GRIN2B: variants seen among roughly 807,000 people sequenced by gnomAD.
The protein encoded by GRIN2B is glutamate ionotropic receptor NMDA type subunit 2B.
Under a neutral mutation model 114.5 loss-of-function variants are expected in GRIN2B, and 5 were observed. The ratio of observed to expected loss-of-function variants is 0.04; its 90% CI spans 0.02 to 0.09. GRIN2B has a LOEUF of 0.09. GRIN2B is among the 10% of genes least tolerant of loss of function. The pLI is 1.00. For missense variants in GRIN2B, 1,108 were observed against 1,943.5 expected (o/e 0.57, Z 8.08); for synonymous variants, 787 against 745.1 (o/e 1.06, Z -0.92).
At chr12:13,853,020 C>T (rs1241892741) in intron 3 of GRIN2B, among the ~76,000 whole-genome samples, 2 of 152,178 alleles carry the variant, frequency 1.3e-5, no homozygotes, top group East Asian at 1.9e-4. Context: ...GGCCTTCACA[C>T]CTGCTGTTCT....
chr12:13,827,612 G>A (rs1865068206), intron 3 of GRIN2B, among the ~76,000 whole-genome samples: 1 of 147,848 alleles, frequency 6.8e-6, no homozygotes, highest in Non-Finnish European at 1.5e-5. Context: ...TTTAAAAGAT[G>A]TCTTTCATTT....
intron 2 of GRIN2B, among the ~76,000 whole-genome samples, chr12:13,940,774 C>T (rs1867231467): frequency 6.6e-6 from 1 of 152,144 alleles, no homozygotes; most frequent in African/African-American, 2.4e-5. Context: ...CCTAGAACCA[C>T]TTTGCTAAAT....
intron 3 of GRIN2B, among the ~76,000 whole-genome samples, chr12:13,862,935 TTTC>T (rs1361127425): frequency 6.6e-6 from 1 of 152,218 alleles, no homozygotes; most frequent in Non-Finnish European, 1.5e-5. Flanking sequence ...ACTGGATCTT[TTTC>T]TTTCTTCTTT....
chr12:13,896,680 C>T (rs924056267), intron 2 of GRIN2B, among the ~76,000 whole-genome samples: 3 of 152,108 alleles, frequency 2.0e-5, no homozygotes, highest in Non-Finnish European at 4.4e-5. Context: ...AAAAGAAAAG[C>T]TCAGAATACA....
At chr12:13,627,220 T>C (rs992872816) in intron 5 of GRIN2B, among the ~76,000 whole-genome samples, 19 of 152,142 alleles carry the variant, frequency 1.2e-4, no homozygotes, top group African/African-American at 4.3e-4. Context: ...AGTCCCGGTT[T>C]ATGGCTATTC....
intron 3 of GRIN2B, among the ~76,000 whole-genome samples, chr12:13,810,845 C>T (rs1864716497): frequency 6.6e-6 from 1 of 152,216 alleles, no homozygotes; most frequent in Admixed American, 6.5e-5. Flanking sequence ...TTGGGCCAGT[C>T]ACTCGTACTG....
intron 3 of GRIN2B, among the ~76,000 whole-genome samples, chr12:13,786,589 G>C (rs1035569832): frequency 6.6e-6 from 1 of 152,096 alleles, no homozygotes; most frequent in African/African-American, 2.4e-5. Context: ...TGGCCGTGGT[G>C]ATCAGGGTCC....
At chr12:13,619,353 T>C (rs116027445) in intron 5 of GRIN2B, among the ~76,000 whole-genome samples, 3,638 of 152,336 alleles carry the variant, frequency 0.024, 118 homozygotes, top group African/African-American at 0.07. Context: ...GGTATATTTA[T>C]AGACATACAT....
chr12:13,608,447 G>A (rs1949317605), intron 10 of GRIN2B, among the ~76,000 whole-genome samples, 156 bp downstream of exon 10: 1 of 152,102 alleles, frequency 6.6e-6, no homozygotes. Context: ...ATTTCAGTAG[G>A]GAAACTGACT....
intron 3 of GRIN2B, among the ~76,000 whole-genome samples, chr12:13,757,986 C>T (rs1293209580): frequency 1.3e-5 from 2 of 152,096 alleles, no homozygotes; most frequent in Admixed American, 1.3e-4. Context: ...CTGGTAGTGC[C>T]CCTGGCAATA....
chr12:13,868,641 A>C (rs766210653), intron 2 of GRIN2B, among the ~76,000 whole-genome samples: 1 of 152,204 alleles, frequency 6.6e-6, no homozygotes, highest in African/African-American at 2.4e-5. Context: ...GTGACAGTTT[A>C]ACTTTAATGC....
At chr12:13,859,561 G>A (rs1000306918) in intron 3 of GRIN2B, among the ~76,000 whole-genome samples, 1 of 152,150 alleles carries the variant, frequency 6.6e-6, no homozygotes, top group African/African-American at 2.4e-5. Flanking sequence ...TTCAAGTAGG[G>A]AAAATTGGAG....
At chr12:13,898,253 T>G (rs1414939109) in intron 2 of GRIN2B, among the ~76,000 whole-genome samples, 4 of 152,218 alleles carry the variant, frequency 2.6e-5, no homozygotes, top group Non-Finnish European at 2.9e-5. Context: ...ATCTAGCTTC[T>G]TATATTATTG....
intron 2 of GRIN2B, among the ~76,000 whole-genome samples, chr12:13,947,753 A>T (rs1423391245): frequency 6.6e-6 from 1 of 152,156 alleles, no homozygotes; most frequent in African/African-American, 2.4e-5. Context: ...GCTGCAGTCC[A>T]AATCTTCCAG....
intron 2 of GRIN2B, among the ~76,000 whole-genome samples, chr12:13,940,633 A>G (rs992778364): frequency 6.6e-5 from 10 of 152,162 alleles, no homozygotes; most frequent in Middle Eastern, 3.2e-3. Context: ...CAGAGTGTGA[A>G]GCAAGCTCCC....
intron 3 of GRIN2B, among the ~76,000 whole-genome samples, chr12:13,786,402 G>A (rs1864221874): frequency 6.6e-6 from 1 of 152,126 alleles, no homozygotes; most frequent in African/African-American, 2.4e-5. Context: ...CCTTAAACAT[G>A]TTAATCTCAT....
chr12:13,867,199 T>C (rs1865842157), intron 2 of GRIN2B, among the ~76,000 whole-genome samples: 1 of 152,212 alleles, frequency 6.6e-6, no homozygotes, highest in South Asian at 2.1e-4. Context: ...TGCCATCCTA[T>C]AGTCGTGACT....
chr12:13,669,753 G>A (rs767069453), intron 5 of GRIN2B, among the ~76,000 whole-genome samples: 3 of 152,150 alleles, frequency 2.0e-5, no homozygotes, highest in Non-Finnish European at 4.4e-5. Context: ...GTATGAGCGG[G>A]GATGGAGGAG....
chr12:13,668,886 G>A (rs2136534238), intron 5 of GRIN2B, among the ~76,000 whole-genome samples: 1 of 151,228 alleles, frequency 6.6e-6, no homozygotes, highest in East Asian at 2.0e-4. Flanking sequence ...TAATAATTAT[G>A]TGTGAGAAGG....
Sources: allele counts gnomAD v4.1 joint callset (sites outside exome capture counted in the v4.1 genomes callset), GRCh38; gene constraint gnomAD v4.1.1; transcripts MANE v1.5; gene names NCBI Gene and HGNC (gene_info 2026-07-23, HGNC 2026-07-21).